The following KLF12 variants were observed in gnomAD, a reference collection of about 807,000 sequenced individuals.
The protein encoded by KLF12 is KLF transcription factor 12.
KLF12 carries 9 observed loss-of-function variants against 37.8 expected under a neutral mutation model. The observed-to-expected ratio is 0.24, with a 90% confidence interval of 0.14 to 0.42. KLF12 has a LOEUF of 0.42. Among genes scored for constraint, KLF12 ranks in the 10% least tolerant of loss-of-function variants. KLF12 has a pLI of 1.00. For missense variants in KLF12, 411 were observed against 516.0 expected (o/e 0.80, Z 1.97); for synonymous variants, 208 against 202.1 (o/e 1.03, Z -0.25).
chr13:74,015,148 C>G (rs73529162), intron 1 of KLF12, among the ~76,000 whole-genome samples: 4,207 of 152,156 alleles, frequency 0.028, 194 homozygotes, highest in African/African-American at 0.095. Flanking sequence ...AATGTTTACT[C>G]TTCTAATCTT....
At chr13:74,069,325 A>C (rs1389651233) in intron 1 of KLF12, among the ~76,000 whole-genome samples, 4 of 152,238 alleles carry the variant, frequency 2.6e-5, no homozygotes, top group African/African-American at 4.8e-5. Context: ...ATCCCCCGCG[A>C]ATATGAATGG....
chr13:74,062,616 T>C (rs573309666), intron 1 of KLF12, among the ~76,000 whole-genome samples: 19 of 152,106 alleles, frequency 1.2e-4, no homozygotes, highest in Non-Finnish European at 2.5e-4. Flanking sequence ...CACTTTGGGG[T>C]TGTTCTGAAG....
Position 73,837,835 on chromosome 13 carries a change from T to C in KLF12, c.670+7992A>G, listed in dbSNP as rs188507752. On this transcript the variant is annotated intron_variant, in intron 4 of 7. Transcript: ENST00000377669. ...CATACTTAAGAGTAAACAGAATCAA[T>C]TCATCAAGGGAAGCAAAGATAACTT... 1.5e-3 allele frequency among the ~76,000 whole-genome samples: 228 copies of C among 152,294 alleles called. 1 individual carries two copies. The highest frequency in any genetic ancestry group is 3.4e-3 in the Middle Eastern group (1 of 294).
the KLF12 span, among the ~76,000 whole-genome samples, chr13:74,277,876 G>A: frequency 6.6e-6 from 1 of 152,196 alleles, no homozygotes. Context: ...CCCAAAGGAT[G>A]GAGAGTAGTT....
chr13:73,878,659 C>A (rs1302075095), intron 3 of KLF12, among the ~76,000 whole-genome samples: 3 of 151,826 alleles, frequency 2.0e-5, no homozygotes, highest in African/African-American at 7.3e-5. Context: ...CAAGAAAAGG[C>A]AGGGTAAAGG....
At chr13:73,881,718 GTA>G (rs1886991420) in intron 3 of KLF12, among the ~76,000 whole-genome samples, 1 of 151,964 alleles carries the variant, frequency 6.6e-6, no homozygotes, top group African/African-American at 2.4e-5. Context: ...AGTACCCGCT[GTA>G]TGCAAAGCCT....
At chr13:73,714,025 A>G (rs1466775202) in intron 7 of KLF12, among the ~76,000 whole-genome samples, 1 of 152,210 alleles carries the variant, frequency 6.6e-6, no homozygotes, top group African/African-American at 2.4e-5. Context: ...CTCAATTTCC[A>G]TGTCTTCACA....
At chr13:73,964,255 TA>T (rs1192110001) in intron 2 of KLF12, among the ~76,000 whole-genome samples, 5 of 152,086 alleles carry the variant, frequency 3.3e-5, no homozygotes, top group Non-Finnish European at 5.9e-5. Flanking sequence ...TGCAGAGACA[TA>T]AAGAGTCCAC....
At chr13:74,182,222 A>G in the KLF12 span, among the ~76,000 whole-genome samples, 1 of 152,166 alleles carries the variant, frequency 6.6e-6, no homozygotes, top group Non-Finnish European at 1.5e-5. Context: ...CTGCGTTAGG[A>G]AGGAGAAAAA....
intron 7 of KLF12, among the ~76,000 whole-genome samples, chr13:73,715,085 C>T (rs1875698107): frequency 6.6e-6 from 1 of 152,096 alleles, no homozygotes; most frequent in Non-Finnish European, 1.5e-5. Context: ...GCCACGTGGA[C>T]ATTTTTTAAA....
intron 5 of KLF12, among the ~76,000 whole-genome samples, chr13:73,812,277 A>G (rs1314055350): frequency 2.0e-5 from 3 of 152,118 alleles, no homozygotes; most frequent in Non-Finnish European, 4.4e-5. Context: ...ATTTGCAGAT[A>G]GAAGAAGAAG....
the KLF12 span, among the ~76,000 whole-genome samples, chr13:74,159,751 G>A: frequency 6.6e-6 from 1 of 152,096 alleles, no homozygotes; most frequent in Non-Finnish European, 1.5e-5. Context: ...GGGCATGGTT[G>A]CTTATTCCTG....
chr13:74,102,192 T>A (rs374521372), intron 1 of KLF12, among the ~76,000 whole-genome samples: 3 of 147,686 alleles, frequency 2.0e-5, no homozygotes, highest in African/African-American at 7.5e-5. Context: ...CACTCTAACC[T>A]GGGTGACAGA....
chr13:74,070,888 A>C (rs1874194790), intron 1 of KLF12, among the ~76,000 whole-genome samples: 1 of 152,252 alleles, frequency 6.6e-6, no homozygotes, highest in Admixed American at 6.5e-5. Context: ...TTGTGGGAAC[A>C]TGGATGGCAG....
chr13:73,995,183 C>G (rs1261446429), intron 1 of KLF12, 130 bp from the exon 2 acceptor site: 6 of 622,278 alleles, frequency 9.6e-6, no homozygotes, highest in African/African-American at 3.7e-5. Flanking sequence ...TGAGGAATAT[C>G]TTTTCTTCAG....
intron 2 of KLF12, among the ~76,000 whole-genome samples, chr13:73,988,791 A>G (rs962571674): frequency 6.6e-6 from 1 of 152,242 alleles, no homozygotes; most frequent in African/African-American, 2.4e-5. Context: ...TAAACTGACT[A>G]TACTGTAAAC....
At position 74,108,132 on chromosome 13, in the gene KLF12, A is replaced by C. The variant is rs1476094834; in HGVS notation, c.-32+25607T>G. Among the ~76,000 whole-genome samples the C allele has an allele frequency of 5.9e-5, 9 of 152,220 alleles. No homozygotes were observed. The East Asian group carries it at 1.2e-3, about 20-fold the overall frequency. ...ATTATAACTCACAATAGAGATCATT[A>C]AAAGGCTCTTTCAAATTTATTTTAA... On this transcript the variant is annotated intron_variant, in intron 1 of 7. Coordinates refer to ENST00000377669, the MANE Select transcript of KLF12 (RefSeq NM_007249.5).
intron 1 of KLF12, among the ~76,000 whole-genome samples, chr13:74,116,573 G>A (rs2138955879): frequency 1.3e-5 from 2 of 152,214 alleles, no homozygotes; most frequent in South Asian, 4.1e-4. Flanking sequence ...TGATTCCCAT[G>A]GCTATGATTG....
At chr13:73,881,660 AT>A (rs972360783) in intron 3 of KLF12, among the ~76,000 whole-genome samples, 1 of 151,642 alleles carries the variant, frequency 6.6e-6, no homozygotes, top group African/African-American at 2.4e-5. Context: ...GCACAACATG[AT>A]TTTTTTTTCC....
Sources: gnomAD v4.1 joint callset for allele counts (sites outside exome capture counted in the v4.1 genomes callset) on GRCh38, gnomAD v4.1.1 for gene constraint, MANE v1.5 for transcripts, NCBI Gene and HGNC (gene_info 2026-07-23, HGNC 2026-07-21) for gene names.